ATP8B4: variants seen among roughly 807,000 people sequenced by gnomAD.
ATP8B4 encodes ATPase phospholipid transporting 8B4 (putative).
ATP8B4 carries 133 observed loss-of-function variants against 145.6 expected under a neutral mutation model. The observed-to-expected ratio is 0.91, with a 90% CI of 0.79 to 1.05. The LOEUF (loss-of-function observed/expected upper bound fraction) is 1.05, where lower values mean the gene tolerates loss of function less well. Ranked by LOEUF, ATP8B4 falls within the 50% of genes least tolerant of loss-of-function variation. The pLI is 0.00. For synonymous variants in ATP8B4, 507 were observed against 492.9 expected, an observed-to-expected ratio of 1.03 and a Z score of -0.38; for missense variants, 1,458 against 1,425.2, an observed-to-expected ratio of 1.02 and a Z score of -0.37.
rs2031254575 is a variant in ATP8B4, at chr15:49,859,541, CAGCCTATCCTGCTGCAA to C, written c.*636_*652del. On this transcript the variant is annotated 3_prime_UTR_variant, in exon 28 of 28. Coordinates refer to ENST00000284509, the MANE Select transcript of ATP8B4 (RefSeq NM_024837.4). ...TTTTGAATAAATTTGATCAAATTAC[CAGCCTATCCTGCTGCAA>C]AGATGTTCAGTCTCCTTTGTCCCTA... The C allele has an allele frequency of 6.6e-6, 1 of 152,156 alleles. No individual in the cohort carries two copies. The highest frequency in any genetic ancestry group is 2.4e-5 in the African/African-American group (1 of 41,424). The allele number at this position is 152,156 out of a possible 1,614,324, so 9.4% of individuals were successfully genotyped here.
At chr15:49,888,831 T>C (rs2153419709) in intron 23 of ATP8B4, among the ~76,000 whole-genome samples, 1 of 152,282 alleles carries the variant, frequency 6.6e-6, no homozygotes, top group East Asian at 1.9e-4. Flanking sequence ...GAACAAATTA[T>C]ATTTAATTTG....
chr15:49,865,120 A>G (rs2032552099), intron 26 of ATP8B4, among the ~76,000 whole-genome samples: 1 of 152,166 alleles, frequency 6.6e-6, no homozygotes, highest in Non-Finnish European at 1.5e-5. Flanking sequence ...CCCAGCCTCT[A>G]ATCTCCTGGA....
intron 1 of ATP8B4, among the ~76,000 whole-genome samples, chr15:50,160,041 T>TTTTTTTTTTTGGG (rs2044493317): frequency 7.9e-6 from 1 of 127,036 alleles, no homozygotes; most frequent in South Asian, 2.8e-4. Flanking sequence ...TTTTTTTTGC[T>TTTTTTTTTTTGGG]GGGAGACTTT....
intron 9 of ATP8B4, 98 bp from the exon 10 acceptor site, chr15:49,987,647 A>G: frequency 7.9e-7 from 1 of 1,268,358 alleles, no homozygotes; most frequent in African/African-American, 1.5e-5. Flanking sequence ...CCTCTCCTTT[A>G]GACAGCCTGG....
intron 6 of ATP8B4, among the ~76,000 whole-genome samples, chr15:50,037,128 G>C (rs976344162): frequency 1.3e-4 from 20 of 152,130 alleles, no homozygotes; most frequent in Non-Finnish European, 2.2e-4. Flanking sequence ...CACAATCCAG[G>C]TATTTTGACT....
chr15:50,121,910 T>A (rs28624511), upstream of ATP8B4, among the ~76,000 whole-genome samples: 4,413 of 152,248 alleles, frequency 0.029, 206 homozygotes, highest in African/African-American at 0.1. Context: ...AAAGGAATTT[T>A]AATTAAGTAT....
At chr15:50,142,305 A>G (rs867658520) in intron 1 of ATP8B4, among the ~76,000 whole-genome samples, 1 of 152,184 alleles carries the variant, frequency 6.6e-6, no homozygotes, top group Non-Finnish European at 1.5e-5. Flanking sequence ...TTATTGCAAT[A>G]TAATATACAT....
At chr15:50,102,280 AC>A (rs1361673591) in intron 2 of ATP8B4, among the ~76,000 whole-genome samples, 1 of 152,072 alleles carries the variant, frequency 6.6e-6, no homozygotes, top group Non-Finnish European at 1.5e-5. Flanking sequence ...AAAAAAAACC[AC>A]ACAAAAGACA....
chr15:50,044,523 C>A, intron 5 of ATP8B4, 71 bp downstream of exon 5: 1 of 1,057,632 alleles, frequency 9.5e-7, no homozygotes, highest in Non-Finnish European at 1.4e-6. Flanking sequence ...TCAAATGTAT[C>A]TTCATTATCT....
chr15:49,943,162 T>C (rs749362826), intron 14 of ATP8B4, among the ~76,000 whole-genome samples: 1 of 151,938 alleles, frequency 6.6e-6, no homozygotes, highest in Non-Finnish European at 1.5e-5. Context: ...CATTTGTAAT[T>C]ATCCAGTTAA....
intron 1 of ATP8B4, among the ~76,000 whole-genome samples, chr15:50,114,103 C>CTTTTTTTTCTTTTTTTTTTTTTT (rs2057081669): frequency 1.8e-5 from 1 of 55,644 alleles, no homozygotes; most frequent in Non-Finnish European, 3.1e-5. Flanking sequence ...CTCCTAGTTT[C>CTTTTTTTTCTTTTTTTTTTTTTT]TTTTTTTTTT....
intron 6 of ATP8B4, among the ~76,000 whole-genome samples, chr15:50,027,557 C>G (rs1475282016): frequency 6.6e-6 from 1 of 152,198 alleles, no homozygotes; most frequent in Non-Finnish European, 1.5e-5. Flanking sequence ...CCCCTTAAAT[C>G]TCCACTGCTG....
chr15:49,937,989 G>C (rs1489606252), intron 14 of ATP8B4, among the ~76,000 whole-genome samples: 1 of 152,112 alleles, frequency 6.6e-6, no homozygotes, highest in Non-Finnish European at 1.5e-5. Context: ...GGCCATATAT[G>C]GTAAGTGCCA....
chr15:50,037,999 A>T (rs1403269815), intron 6 of ATP8B4, among the ~76,000 whole-genome samples: 1 of 152,162 alleles, frequency 6.6e-6, no homozygotes, highest in Non-Finnish European at 1.5e-5. Context: ...TAAAAATTAC[A>T]TTCTTCACGG....
upstream of ATP8B4, among the ~76,000 whole-genome samples, chr15:50,121,684 C>T (rs565631666): frequency 1.3e-5 from 2 of 152,094 alleles, no homozygotes; most frequent in African/African-American, 4.8e-5. Flanking sequence ...CCTTTTATTC[C>T]CATTATACAA....
At chr15:50,012,431 AC>A (rs1261616182) in intron 6 of ATP8B4, among the ~76,000 whole-genome samples, 3 of 152,186 alleles carry the variant, frequency 2.0e-5, no homozygotes, top group African/African-American at 7.2e-5. Flanking sequence ...TATTCTTCCA[AC>A]TTGTATAGCA....
chr15:50,057,378 AT>A (rs2052687241), intron 3 of ATP8B4, among the ~76,000 whole-genome samples: 1 of 152,160 alleles, frequency 6.6e-6, no homozygotes, highest in Non-Finnish European at 1.5e-5. Flanking sequence ...AAAAGCAAGT[AT>A]TGTACAATCC....
chr15:49,958,869 T>G (rs558256210), intron 14 of ATP8B4, among the ~76,000 whole-genome samples: 158 of 152,004 alleles, frequency 1.0e-3, no homozygotes, highest in African/African-American at 3.6e-3. Context: ...TCCACATAAT[T>G]TTATAGGGGA....
At chr15:50,042,346 T>C (rs1381721992) in intron 5 of ATP8B4, among the ~76,000 whole-genome samples, 1 of 152,208 alleles carries the variant, frequency 6.6e-6, no homozygotes, top group Non-Finnish European at 1.5e-5. Flanking sequence ...ATTGTTGATT[T>C]ATCAAAAAAT....
Sources: allele counts gnomAD v4.1 joint callset (sites outside exome capture counted in the v4.1 genomes callset), GRCh38; gene constraint gnomAD v4.1.1; transcripts MANE v1.5; gene names NCBI Gene and HGNC (gene_info 2026-07-23, HGNC 2026-07-21).